The following SIM1 variants were observed in gnomAD, a reference collection of about 807,000 sequenced individuals.
SIM1 encodes single-minded homolog 1.
SIM1 carries 18 observed loss-of-function variants against 78.2 expected under a neutral mutation model. That is an observed-to-expected ratio of 0.23 (90% CI 0.16 to 0.34). The LOEUF is 0.34. Among genes scored for constraint, SIM1 ranks in the 10% least tolerant of loss-of-function variants. The pLI is 1.00. For synonymous variants in SIM1, 417 were observed against 385.2 expected (o/e 1.08, Z -0.97); for missense variants, 939 against 975.1 (o/e 0.96, Z 0.49).
chr6:100,416,661 A>C (rs777576237), intron 10 of SIM1, among the ~76,000 whole-genome samples: 45 of 152,220 alleles, frequency 3.0e-4, no homozygotes, highest in Admixed American at 2.4e-3. Flanking sequence ...ACTAAAAGGG[A>C]ATTTATTTTG....
chr6:100,439,777 A>G (rs1772158629), intron 9 of SIM1, among the ~76,000 whole-genome samples: 1 of 152,168 alleles, frequency 6.6e-6, no homozygotes, highest in Non-Finnish European at 1.5e-5. Flanking sequence ...CTTTTTCCCC[A>G]AGAAACTAAC....
chr6:100,448,676 G>T lies in SIM1; in HGVS notation c.546C>A (p.Val182=). The change falls in exon 7 of 12, where the codon GTC becomes GTA. Residue 182 remains valine, a splice_region_variant and synonymous_variant. Transcript: ENST00000369208. ...NAGLTCGGYK[V]IHCSGYLKIR... ...TCTTCAAGTAGCCGCTGCAGTGGAT[G>T]ACCTGAGGCAGAGGGATAGGGAGGG... The T allele has an allele frequency of 6.2e-7, 1 of 1,609,742 alleles. No individual in the cohort carries two copies. Among genetic ancestry groups the T allele is most frequent in the Non-Finnish European group, 8.5e-7 (1 of 1,179,720 alleles).
At chr6:100,460,978 G>C (rs915580003) in intron 2 of SIM1, among the ~76,000 whole-genome samples, 3 of 151,916 alleles carry the variant, frequency 2.0e-5, no homozygotes, top group Non-Finnish European at 4.4e-5. Context: ...ACAGTAGCTA[G>C]AGAAACAAAT....
chr6:100,451,315 G>C (rs373868131), intron 3 of SIM1, among the ~76,000 whole-genome samples: 3 of 152,192 alleles, frequency 2.0e-5, no homozygotes, highest in South Asian at 2.1e-4. Flanking sequence ...TAGGCAGAAG[G>C]AATGAAGTGG....
intron 3 of SIM1, among the ~76,000 whole-genome samples, chr6:100,453,172 G>C (rs1017338821): frequency 6.6e-6 from 1 of 152,178 alleles, no homozygotes; most frequent in Non-Finnish European, 1.5e-5. Flanking sequence ...GCCTAGCATT[G>C]GTTAAACTCA....
rs1164688661 is a variant in SIM1 at position 100,389,515 on chromosome 6, T to C, written c.*846A>G. 2.5e-6 allele frequency: 1 copy of C among 397,900 alleles called. No homozygotes were observed. The highest frequency in any genetic ancestry group is 1.3e-4 in the South Asian group (1 of 7,556). 24.6% of individuals were successfully genotyped at this position (397,900 alleles called of 1,614,324 possible). ...ATGTTGTTTACTTATGCTGAGCCCT[T>C]AAATTGTGTTAAACTTTGAGATAGC... On this transcript the variant is annotated 3_prime_UTR_variant, in exon 12 of 12. Transcript: ENST00000369208.
intron 10 of SIM1, among the ~76,000 whole-genome samples, chr6:100,398,329 A>G (rs191015041): frequency 2.0e-4 from 30 of 152,266 alleles, no homozygotes; most frequent in African/African-American, 7.0e-4. Context: ...GTTCAGTGGC[A>G]TTAAGTACAT....
chr6:100,455,774 G>T (rs1394424539), intron 2 of SIM1, among the ~76,000 whole-genome samples: 1 of 152,224 alleles, frequency 6.6e-6, no homozygotes, highest in East Asian at 1.9e-4. Context: ...GTTCCCGAAG[G>T]GTGCGAAGAC....
At chr6:100,456,564 A>G (rs1416806010) in intron 2 of SIM1, among the ~76,000 whole-genome samples, 4 of 152,246 alleles carry the variant, frequency 2.6e-5, no homozygotes, top group Admixed American at 2.0e-4. Flanking sequence ...GGTTTTAGAC[A>G]AAAGGATTTT....
At chr6:100,393,418 T>A in intron 11 of SIM1, 69 bp downstream of exon 11, 1 of 1,314,524 alleles carries the variant, frequency 7.6e-7, no homozygotes, top group Non-Finnish European at 1.0e-6. Flanking sequence ...TTCACTCTAG[T>A]GTCACAATGT....
chr6:100,409,662 T>C (rs1442964656), intron 10 of SIM1, among the ~76,000 whole-genome samples: 2 of 152,148 alleles, frequency 1.3e-5, no homozygotes, highest in Non-Finnish European at 2.9e-5. Flanking sequence ...TTTCTTAATG[T>C]AAGTGTTTAT....
intron 9 of SIM1, among the ~76,000 whole-genome samples, chr6:100,435,618 C>A (rs553718329): frequency 1.3e-5 from 2 of 152,130 alleles, no homozygotes; most frequent in East Asian, 1.9e-4. Context: ...GACAGAGGAA[C>A]AATACCTGAG....
At chr6:100,416,325 A>G (rs1771399972) in intron 10 of SIM1, among the ~76,000 whole-genome samples, 1 of 152,198 alleles carries the variant, frequency 6.6e-6, no homozygotes, top group Non-Finnish European at 1.5e-5. Flanking sequence ...AAATAATTCC[A>G]AAAAGCAGTG....
chr6:100,394,021 A>C (rs765343258), intron 10 of SIM1, 132 bp from the exon 11 acceptor site: 1 of 870,792 alleles, frequency 1.1e-6, no homozygotes, highest in African/African-American at 1.7e-5. Context: ...GGTCGTCAAA[A>C]TAACCGTTGC....
rs1771666274 is a variant in SIM1, at chr6:100,424,192, T to C, written c.999-3234A>G. ...TTAAATAACATTTTAAACCAAGACA[T>C]GGTTTTAAATTTCACATATTCACAT... On this transcript the variant is annotated intron_variant, in intron 9 of 11. Transcript: ENST00000369208. Among the ~76,000 whole-genome samples, 7 of 151,176 alleles carry C rather than the reference T, an allele frequency of 4.6e-5. No homozygotes were observed. The South Asian group carries it at 1.1e-3, about 23-fold the overall frequency.
chr6:100,464,670 A>C lies in SIM1; in HGVS notation c.-524T>G, dbSNP rs1474664417. 6.6e-6 allele frequency: 1 copy of C among 151,990 alleles called. No individual in the cohort carries two copies. Among genetic ancestry groups the C allele is most frequent in the Admixed American group, 6.5e-5 (1 of 15,268 alleles). The allele number at this position is 151,990 out of a possible 1,614,324, so 9.4% of individuals were successfully genotyped here. ...GGGCGCCCATCTCTTAACTGTTCTC[A>C]TGCCTACCGTCCAACCCAGCGACAC... On this transcript the variant is annotated 5_prime_UTR_variant, in exon 1 of 12. It removes an upstream start codon present in the reference 5' UTR. Coordinates refer to ENST00000369208, the MANE Select transcript of SIM1 (RefSeq NM_005068.3).
At chr6:100,453,872 C>T in intron 2 of SIM1, 28 bp from the exon 3 acceptor site, 1 of 1,573,872 alleles carries the variant, frequency 6.4e-7, no homozygotes. Context: ...CATCCTGTAG[C>T]CACTGAACCC....
At chr6:100,412,277 CT>C (rs1046054943) in intron 10 of SIM1, among the ~76,000 whole-genome samples, 110 of 152,142 alleles carry the variant, frequency 7.2e-4, no homozygotes, top group African/African-American at 2.4e-3. Flanking sequence ...TAGCTTGCGC[CT>C]GTTATCCCAG....
rs367757917 is a variant in SIM1, at chr6:100,412,611, G to A, written c.1167+8179C>T. On this transcript the variant is annotated intron_variant, in intron 10 of 11. Coordinates refer to ENST00000369208, the MANE Select transcript of SIM1 (RefSeq NM_005068.3). ...AGAAAGAAAGAAAGAAAGAAAGAAA[G>A]GAAAGAAAGAAGGAAAGAAAGAAAG... Among the ~76,000 whole-genome samples the A allele has an allele frequency of 1.4e-3, 92 of 67,652 alleles. 4 individuals carry two copies. Among genetic ancestry groups the A allele is most frequent in the African/African-American group, 4.2e-3 (72 of 16,948 alleles). 44.4% of individuals were successfully genotyped at this position (67,652 alleles called of 152,430 possible). A position where few individuals can be genotyped will look rare whatever the true frequency, so the allele number is the denominator to read the frequency against.
Sources: allele counts gnomAD v4.1 joint callset (sites outside exome capture counted in the v4.1 genomes callset), GRCh38; gene constraint gnomAD v4.1.1; transcripts MANE v1.5; gene names NCBI Gene and HGNC (gene_info 2026-07-23, HGNC 2026-07-21).